Variants in ARHGAP26 observed in about 807,000 individuals in gnomAD.
ARHGAP26 encodes the protein rho GTPase-activating protein 26.
In ARHGAP26, 38 loss-of-function variants were observed where a neutral mutation model predicts 104.8. That is an observed-to-expected ratio of 0.36 (90% CI 0.28 to 0.48). The LOEUF (loss-of-function observed/expected upper bound fraction) is 0.48. Ranked by LOEUF, ARHGAP26 falls within the 20% of genes least tolerant of loss-of-function variation. ARHGAP26 has a pLI of 0.99. For missense variants in ARHGAP26, 704 were observed against 947.9 expected (o/e 0.74, Z 3.38); for synonymous variants, 341 against 340.0 (o/e 1.00, Z -0.03).
At chr5:143,119,945 T>C (rs1224259817) in intron 17 of ARHGAP26, among the ~76,000 whole-genome samples, 1 of 151,880 alleles carries the variant, frequency 6.6e-6, no homozygotes, top group Non-Finnish European at 1.5e-5. Flanking sequence ...CAGGCATTTA[T>C]AGAATTGTGT....
chr5:142,823,922 T>C (rs944970267), intron 1 of ARHGAP26, among the ~76,000 whole-genome samples: 38 of 152,250 alleles, frequency 2.5e-4, no homozygotes, highest in African/African-American at 8.9e-4. Flanking sequence ...GGTCGTCTTA[T>C]TTGTAAAACT....
rs770990322 is a variant in ARHGAP26 at position 142,879,362 on chromosome 5, G to T, written c.313-12G>T. ...TGTGTCTTCTTTCCCTTACTCTGTT[G>T]TTCTTCACCAGATTGAGAATGCCAG... On this transcript the variant is annotated splice_polypyrimidine_tract_variant and intron_variant, in intron 3 of 22. Coordinates refer to ENST00000645722, the MANE Select transcript of ARHGAP26 (RefSeq NM_001135608.3). The T allele has an allele frequency of 4.3e-6, 7 of 1,613,432 alleles. No homozygotes were observed. The highest frequency in any genetic ancestry group is 5.9e-6 in the Non-Finnish European group (7 of 1,179,426).
intron 1 of ARHGAP26, among the ~76,000 whole-genome samples, chr5:142,813,421 C>T (rs1764509767): frequency 6.6e-6 from 1 of 152,140 alleles, no homozygotes; most frequent in African/African-American, 2.4e-5. Context: ...AGAAGGAAAC[C>T]AGACTGCTCT....
intron 1 of ARHGAP26, among the ~76,000 whole-genome samples, chr5:142,855,245 CAGAG>C (rs1752157402): frequency 6.6e-6 from 1 of 152,076 alleles, no homozygotes; most frequent in South Asian, 2.1e-4. Flanking sequence ...GGTGGGAAGA[CAGAG>C]AGCATATTTG....
intron 1 of ARHGAP26, among the ~76,000 whole-genome samples, chr5:142,862,996 G>A (rs181857084): frequency 6.6e-6 from 1 of 151,890 alleles, no homozygotes; most frequent in Non-Finnish European, 1.5e-5. Context: ...CCTTGCTGTA[G>A]GAATATCCAG....
intron 12 of ARHGAP26, among the ~76,000 whole-genome samples, chr5:143,029,399 T>G (rs947140107): frequency 2.9e-5 from 3 of 103,856 alleles, no homozygotes; most frequent in South Asian, 2.8e-4. Context: ...TCAGTTTTTT[T>G]TTTTTTTTTT....
chr5:143,131,872 A>G (rs1797393279), intron 18 of ARHGAP26, among the ~76,000 whole-genome samples: 1 of 84,308 alleles, frequency 1.2e-5, no homozygotes. Context: ...GGGATGGCCA[A>G]AATAAACAGT....
intron 11 of ARHGAP26, among the ~76,000 whole-genome samples, chr5:143,000,192 A>G (rs1387147295): frequency 1.3e-5 from 2 of 152,230 alleles, no homozygotes; most frequent in African/African-American, 2.4e-5. Flanking sequence ...GTAAAATGGC[A>G]CAACTACTGT....
At chr5:142,865,205 G>A (rs772294094) in intron 1 of ARHGAP26, among the ~76,000 whole-genome samples, 4 of 152,068 alleles carry the variant, frequency 2.6e-5, no homozygotes, top group Non-Finnish European at 5.9e-5. Context: ...AGTTTTCATC[G>A]GAGATCCAAT....
chr5:143,090,700 C>G (rs1323184837), intron 17 of ARHGAP26, among the ~76,000 whole-genome samples: 5 of 152,160 alleles, frequency 3.3e-5, no homozygotes, highest in Non-Finnish European at 7.3e-5. Flanking sequence ...GGAGGGCTGT[C>G]CCTCTAGTAA....
At chr5:142,856,498 T>C (rs577564447) in intron 1 of ARHGAP26, among the ~76,000 whole-genome samples, 1 of 152,264 alleles carries the variant, frequency 6.6e-6, no homozygotes, top group East Asian at 1.9e-4. Context: ...TTGGTAACAA[T>C]ATGACTTTAA....
intron 11 of ARHGAP26, among the ~76,000 whole-genome samples, chr5:142,991,442 T>G (rs1343827477): frequency 6.6e-6 from 1 of 152,160 alleles, no homozygotes; most frequent in African/African-American, 2.4e-5. Flanking sequence ...CTGCTTAGGC[T>G]CACACTCCAT....
intron 20 of ARHGAP26, among the ~76,000 whole-genome samples, chr5:143,183,651 C>G (rs955231246): frequency 1.1e-4 from 17 of 152,196 alleles, no homozygotes; most frequent in African/African-American, 4.1e-4. Context: ...CTGCATTCAC[C>G]AGTGGAAATT....
chr5:142,943,219 A>T (rs1423228547), intron 11 of ARHGAP26, among the ~76,000 whole-genome samples: 1 of 152,252 alleles, frequency 6.6e-6, no homozygotes, highest in East Asian at 1.9e-4. Context: ...AGGGAATATT[A>T]AAGTATGGTT....
At chr5:143,173,735 A>G (rs1265972404) in intron 20 of ARHGAP26, among the ~76,000 whole-genome samples, 1 of 152,200 alleles carries the variant, frequency 6.6e-6, no homozygotes. Flanking sequence ...TCCAAAGACT[A>G]TGAATGTCCT....
At chr5:143,097,582 A>T (rs1161178247) in intron 17 of ARHGAP26, among the ~76,000 whole-genome samples, 4 of 151,932 alleles carry the variant, frequency 2.6e-5, no homozygotes, top group Non-Finnish European at 5.9e-5. Flanking sequence ...GCACTTTGGG[A>T]GGTCGAGGCG....
chr5:142,979,593 G>A (rs992200179), intron 11 of ARHGAP26, among the ~76,000 whole-genome samples: 1 of 152,222 alleles, frequency 6.6e-6, no homozygotes, highest in Non-Finnish European at 1.5e-5. Context: ...GCAGGAACAG[G>A]CTGATGGCTT....
chr5:143,061,603 T>G (rs1337723284), intron 17 of ARHGAP26, among the ~76,000 whole-genome samples: 1 of 152,206 alleles, frequency 6.6e-6, no homozygotes, highest in Non-Finnish European at 1.5e-5. Flanking sequence ...CCCAGAGAGA[T>G]ATGGTATCAT....
intron 20 of ARHGAP26, among the ~76,000 whole-genome samples, chr5:143,192,073 T>C (rs1806013411): frequency 6.6e-6 from 1 of 152,206 alleles, no homozygotes; most frequent in Admixed American, 6.5e-5. Context: ...ATACAGTCTT[T>C]AGATATTGTC....
Sources: gnomAD v4.1 joint callset for allele counts (sites outside exome capture counted in the v4.1 genomes callset) on GRCh38, gnomAD v4.1.1 for gene constraint, MANE v1.5 for transcripts, NCBI Gene and HGNC (gene_info 2026-07-23, HGNC 2026-07-21) for gene names.